DLGAP4: variants seen among roughly 807,000 people sequenced by gnomAD.
DLGAP4 encodes the protein disks large-associated protein 4.
Under a neutral mutation model 86.9 loss-of-function variants are expected in DLGAP4, and 18 were observed. That is an observed-to-expected ratio of 0.21 (90% CI 0.14 to 0.31). The LOEUF is 0.31. Ranked by LOEUF, DLGAP4 falls within the 10% of genes least tolerant of loss-of-function variation. DLGAP4 has a pLI of 1.00. For synonymous variants in DLGAP4, 548 were observed against 574.3 expected (o/e 0.95, Z 0.65); for missense variants, 1,085 against 1,362.6 (o/e 0.80, Z 3.21).
chr20:36,527,112 CT>C lies in DLGAP4; in HGVS notation c.*84del. On this transcript the variant is annotated 3_prime_UTR_variant, in exon 13 of 13. Coordinates refer to ENST00000339266, the MANE Select transcript of DLGAP4 (RefSeq NM_001365621.2). ...GCGAACGGAACAGAGTTTTCTCAAC[CT>C]TTGCTATGGTTATTCTGTCTAGAGA... 2.2e-6 allele frequency: 3 copies of C among 1,384,024 alleles called. No individual in the cohort carries two copies. The South Asian group carries it at 4.3e-5, about 20-fold the overall frequency. The allele number at this position is 1,384,024 out of a possible 1,614,324, so 85.7% of individuals were successfully genotyped here.
chr20:36,502,649 G>C (rs1294266802), intron 10 of DLGAP4, among the ~76,000 whole-genome samples: 1 of 152,112 alleles, frequency 6.6e-6, no homozygotes, highest in Non-Finnish European at 1.5e-5. Context: ...ACCACACCCG[G>C]ACAACAATTT....
At chr20:36,492,171 C>T (rs185365464) in intron 7 of DLGAP4, among the ~76,000 whole-genome samples, 127 of 152,296 alleles carry the variant, frequency 8.3e-4, no homozygotes, top group Admixed American at 2.6e-3. Context: ...GGTATTTCCT[C>T]ACTATATTTC....
At chr20:36,452,826 C>CTTTTTTTTTTTTTTTTT (rs1233444372) in intron 7 of DLGAP4, among the ~76,000 whole-genome samples, 1 of 90,782 alleles carries the variant, frequency 1.1e-5, no homozygotes. Flanking sequence ...TTGTGTAAGT[C>CTTTTTTTTTTTTTTTTT]TTTTTTTTTT....
chr20:36,393,569 C>T lies in DLGAP4; in HGVS notation c.-73+26294C>T, dbSNP rs1436203328. 6.6e-6 allele frequency among the ~76,000 whole-genome samples: 1 copy of T among 151,986 alleles called. No homozygotes were observed. Among genetic ancestry groups the T allele is most frequent in the Non-Finnish European group, 1.5e-5 (1 of 67,990 alleles). On this transcript the variant is annotated intron_variant, in intron 2 of 12. Transcript: ENST00000339266. The surrounding 1 kb of genome is among the most constrained non-coding windows in gnomAD (Gnocchi z 4.4). The stretch of plus-strand genomic sequence containing the variant: ...GTCTCCACACCGAGCCCCTGGGGAG[C>T]ACAGGGAAGCGAGCCAGCCGCTGTG...
At chr20:36,352,603 C>G (rs1236706519) in intron 1 of DLGAP4, among the ~76,000 whole-genome samples, 1 of 152,034 alleles carries the variant, frequency 6.6e-6, no homozygotes, top group Non-Finnish European at 1.5e-5. Flanking sequence ...TAGAGCTACC[C>G]TCAAGTGGGA....
intron 10 of DLGAP4, among the ~76,000 whole-genome samples, chr20:36,508,551 C>A (rs1355552984): frequency 6.6e-6 from 1 of 151,948 alleles, no homozygotes; most frequent in Non-Finnish European, 1.5e-5. Context: ...CTCAGCCTCC[C>A]AAGTAGCTGG....
At chr20:36,338,659 G>C (rs2065346514) in intron 1 of DLGAP4, among the ~76,000 whole-genome samples, 1 of 152,244 alleles carries the variant, frequency 6.6e-6, no homozygotes, top group Admixed American at 6.5e-5. Flanking sequence ...GGGCCGACTG[G>C]CCTCTGTCCT....
intron 10 of DLGAP4, among the ~76,000 whole-genome samples, chr20:36,503,074 T>G (rs185073222): frequency 9.3e-4 from 141 of 152,338 alleles, no homozygotes; most frequent in Middle Eastern, 6.8e-3. Flanking sequence ...TTTGTTCTGT[T>G]GTCTGGCTCT....
intron 1 of DLGAP4, among the ~76,000 whole-genome samples, chr20:36,355,001 T>C (rs1007388312): frequency 6.6e-6 from 1 of 152,150 alleles, no homozygotes; most frequent in African/African-American, 2.4e-5. Context: ...AGCAACTTTA[T>C]GGAAGGGCTG....
chr20:36,488,766 C>T lies in DLGAP4; in HGVS notation c.1649-7939C>T, dbSNP rs112377495. On this transcript the variant is annotated intron_variant, in intron 7 of 12. Coordinates refer to ENST00000339266, the MANE Select transcript of DLGAP4 (RefSeq NM_001365621.2). ...CTAATTTTTGTATTTTCAGTAGAGA[C>T]GGGGTTTTGCTATGTTGGCCAGGCT... Among the ~76,000 whole-genome samples, 1,493 of 152,092 alleles carry T rather than the reference C, an allele frequency of 9.8e-3. 25 individuals are homozygous for T. Among genetic ancestry groups the T allele is most frequent in the African/African-American group, 0.034 (1,424 of 41,484 alleles).
chr20:36,426,948 C>T (rs544170717), intron 2 of DLGAP4, among the ~76,000 whole-genome samples: 253 of 150,718 alleles, frequency 1.7e-3, no homozygotes, highest in African/African-American at 5.9e-3. Context: ...GAGGCTGAGG[C>T]AGGAGTATTG....
chr20:36,497,624 G>C, intron 8 of DLGAP4: 1 of 987,162 alleles, frequency 1.0e-6, no homozygotes, highest in African/African-American at 1.7e-5. Context: ...GAGGTACCAG[G>C]CCCATGTCAT....
intron 1 of DLGAP4, among the ~76,000 whole-genome samples, chr20:36,357,111 G>C (rs1280206224): frequency 6.6e-6 from 1 of 152,108 alleles, no homozygotes; most frequent in Admixed American, 6.5e-5. Flanking sequence ...GTAAAGGCCA[G>C]ACTCCCTGGA....
Position 36,377,242 on chromosome 20 carries a change from C to A in DLGAP4, c.-73+9967C>A, listed in dbSNP as rs2031192320. ...GGGTGATAGGTAGCGATCTCCTCATCACTGAGAGTATTCAAGCAGCAGCTG... is the reference window on the plus strand; with the variant it reads ...GGGTGATAGGTAGCGATCTCCTCATAACTGAGAGTATTCAAGCAGCAGCTG... On this transcript the variant is annotated intron_variant, in intron 2 of 12. Coordinates refer to ENST00000339266, the MANE Select transcript of DLGAP4 (RefSeq NM_001365621.2). 1.3e-5 allele frequency among the ~76,000 whole-genome samples: 2 copies of A among 152,184 alleles called. 1 individual carries two copies. Among genetic ancestry groups the A allele is most frequent in the South Asian group, 4.1e-4 (2 of 4,830 alleles).
At chr20:36,355,551 C>G (rs145497654) in intron 1 of DLGAP4, among the ~76,000 whole-genome samples, 8 of 152,362 alleles carry the variant, frequency 5.3e-5, no homozygotes, top group Non-Finnish European at 1.0e-4. Flanking sequence ...CCTGCCTCAG[C>G]CTCCCAAAGT....
chr20:36,331,965 GAA>G (rs2065272985), intron 1 of DLGAP4, among the ~76,000 whole-genome samples: 1 of 151,642 alleles, frequency 6.6e-6, no homozygotes, highest in South Asian at 2.1e-4. Flanking sequence ...GATGCGGCTG[GAA>G]AAGAGTCGGG....
chr20:36,433,951 T>C (rs1010121770), intron 3 of DLGAP4, among the ~76,000 whole-genome samples: 3 of 144,588 alleles, frequency 2.1e-5, no homozygotes, highest in Non-Finnish European at 4.5e-5. Context: ...CAGCAATTTT[T>C]TTTTTTTTTG....
intron 7 of DLGAP4, among the ~76,000 whole-genome samples, chr20:36,478,958 GAA>G (rs1348300639): frequency 6.6e-6 from 1 of 152,184 alleles, no homozygotes; most frequent in East Asian, 1.9e-4. Flanking sequence ...CTGAGCAGGT[GAA>G]AAACATCTGG....
intron 2 of DLGAP4, among the ~76,000 whole-genome samples, chr20:36,427,029 A>AAG (rs1389307953): frequency 1.3e-5 from 2 of 151,918 alleles, no homozygotes; most frequent in African/African-American, 2.4e-5. Context: ...AAAAAAAAAA[A>AAG]ATGTTTTTTC....
Sources: gnomAD v4.1 joint callset for allele counts (sites outside exome capture counted in the v4.1 genomes callset) on GRCh38, gnomAD v4.1.1 for gene constraint, Gnocchi (gnomAD v3.1) non-coding constraint, MANE v1.5 for transcripts, NCBI Gene and HGNC (gene_info 2026-07-23, HGNC 2026-07-21) for gene names.